The following SLC13A3 variants were observed in gnomAD, a reference collection of about 807,000 sequenced individuals.
The protein encoded by SLC13A3 is solute carrier family 13 member 3.
SLC13A3 carries 40 observed loss-of-function variants against 59.0 expected under a neutral mutation model. That is an observed-to-expected ratio of 0.68 (90% CI 0.53 to 0.88). The LOEUF is 0.88. Ranked by LOEUF, SLC13A3 falls within the 40% of genes least tolerant of loss-of-function variation. SLC13A3 has a pLI of 0.00. For synonymous variants in SLC13A3, 317 were observed against 330.3 expected (o/e 0.96, Z 0.44); for missense variants, 699 against 783.2 (o/e 0.89, Z 1.28).
chr20:46,630,295 G>A (rs970041947), intron 1 of SLC13A3, among the ~76,000 whole-genome samples: 6 of 152,172 alleles, frequency 3.9e-5, no homozygotes, highest in African/African-American at 7.2e-5. Flanking sequence ...CCAACATCCC[G>A]CTTCATGACA....
chr20:46,671,735 A>G (rs2063093305), upstream of SLC13A3, among the ~76,000 whole-genome samples: 1 of 152,150 alleles, frequency 6.6e-6, no homozygotes, highest in Non-Finnish European at 1.5e-5. Context: ...CCCAGAGCAA[A>G]GCTCACCCAT....
chr20:46,675,357 G>A (rs1042505329), intron 1 of SLC13A3, among the ~76,000 whole-genome samples: 24 of 150,806 alleles, frequency 1.6e-4, no homozygotes, highest in African/African-American at 7.3e-5. Context: ...AGCCTCCCAA[G>A]TAGCTGGGAC....
intron 4 of SLC13A3, among the ~76,000 whole-genome samples, chr20:46,599,719 G>A (rs2062353495): frequency 4.6e-5 from 7 of 152,144 alleles, no homozygotes; most frequent in Admixed American, 4.6e-4. Flanking sequence ...GAAAGTACCT[G>A]TGATCCTCAA....
chr20:46,625,242 G>T (rs2062656214), intron 1 of SLC13A3, among the ~76,000 whole-genome samples: 2 of 152,182 alleles, frequency 1.3e-5, no homozygotes, highest in Non-Finnish European at 2.9e-5. Flanking sequence ...GAAGGGGAGG[G>T]GAAAGGATTT....
intron 1 of SLC13A3, among the ~76,000 whole-genome samples, chr20:46,658,064 T>C (rs1280887225): frequency 6.6e-6 from 1 of 152,110 alleles, no homozygotes; most frequent in African/African-American, 2.4e-5. Context: ...CCTCTCCTGA[T>C]ACCTCCCTGG....
At chr20:46,625,265 A>G (rs1054346633) in intron 1 of SLC13A3, among the ~76,000 whole-genome samples, 16 of 152,244 alleles carry the variant, frequency 1.1e-4, no homozygotes, top group African/African-American at 3.9e-4. Flanking sequence ...CTTCAAATCA[A>G]GTTCCACATT....
chr20:46,613,687 C>T lies in SLC13A3; in HGVS notation c.150G>A (p.Val50=), dbSNP rs2062525901. ...GCGGCAGGGCCTCCGTGCACCAGTA[C>T]ACCGCCATGAGCAGGATGACAAACA... ...RCLFVILLMA[V]YWCTEALPLS... Residue 50 remains valine (V), a synonymous_variant, in exon 2 of 13, where the codon GTG becomes GTA. Coordinates refer to ENST00000279027, the MANE Select transcript of SLC13A3 (RefSeq NM_022829.6). 11 of 1,610,620 alleles carry T rather than the reference C, an allele frequency of 6.8e-6. 1 individual carries two copies. In the Middle Eastern group the frequency reaches 8.2e-4, roughly 120 times the overall value.
chr20:46,583,705 G>T (rs1269564797), intron 8 of SLC13A3, 36 bp from the exon 9 acceptor site: 1 of 1,612,964 alleles, frequency 6.2e-7, no homozygotes, highest in East Asian at 2.2e-5. Flanking sequence ...GTGACCATGG[G>T]CATCTCAGCG....
rs142404762 is a variant in SLC13A3 at position 46,667,186 on chromosome 20, G to T, written c.-31+2857C>A. ...AGCCCAATAACCGGCTTCATCAAAG[G>T]CTCCAGACAACAGTGTATGGAGGGA... On this transcript the variant is annotated intron_variant, in intron 1 of 12. Coordinates refer to the SLC13A3 transcript ENST00000290317. Among the ~76,000 whole-genome samples, 12 of 152,274 alleles carry T rather than the reference G, an allele frequency of 7.9e-5. No individual in the cohort carries two copies. In the East Asian group the frequency reaches 2.1e-3, roughly 27 times the overall value.
chr20:46,612,432 G>A (rs748177089), intron 2 of SLC13A3, among the ~76,000 whole-genome samples: 16 of 151,938 alleles, frequency 1.1e-4, no homozygotes, highest in Non-Finnish European at 1.6e-4. Context: ...CACTGCGCCC[G>A]GCAAGATCCC....
At chr20:46,623,971 G>T (rs1220132064) in intron 1 of SLC13A3, among the ~76,000 whole-genome samples, 2 of 152,154 alleles carry the variant, frequency 1.3e-5, no homozygotes, top group African/African-American at 4.8e-5. Flanking sequence ...CAATCCGTGG[G>T]TGTTCTTGTC....
rs1246573722 is a variant in SLC13A3 at position 46,582,890 on chromosome 20, A to G, written c.1219+682T>C. The G allele has an allele frequency of 3.0e-6, 3 of 985,246 alleles. No individual in the cohort carries two copies. In the African/African-American group the frequency reaches 5.2e-5, roughly 17 times the overall value. The allele number at this position is 985,246 out of a possible 1,614,324, so 61.0% of individuals were successfully genotyped here. On this transcript the variant is annotated intron_variant, in intron 9 of 12. Coordinates refer to ENST00000279027, the MANE Select transcript of SLC13A3 (RefSeq NM_022829.6). ...CACCGGAGGGAGTCGCAAGCTGGCAATCTGAAGGCCACAGTCTACAACATT... is the reference window on the plus strand; with the variant it reads ...CACCGGAGGGAGTCGCAAGCTGGCAGTCTGAAGGCCACAGTCTACAACATT...
At chr20:46,674,944 T>C (rs548806294), upstream of SLC13A3, among the ~76,000 whole-genome samples, 1 of 151,994 alleles carries the variant, frequency 6.6e-6, no homozygotes, top group East Asian at 1.9e-4. Flanking sequence ...GGGGCTGGGA[T>C]GAGGGTGCTG....
chr20:46,669,134 A>G (rs147223877), intron 1 of SLC13A3, among the ~76,000 whole-genome samples: 2 of 152,290 alleles, frequency 1.3e-5, no homozygotes, highest in East Asian at 3.9e-4. Flanking sequence ...TCCCCACACA[A>G]ATACTGAACT....
intron 3 of SLC13A3, chr20:46,608,956 T>C (rs1005524219): frequency 9.7e-6 from 15 of 1,550,766 alleles, no homozygotes; most frequent in Admixed American, 7.8e-5. Context: ...TCATTTCCAC[T>C]CATATTCCAT....
chr20:46,667,980 T>C (rs2063070729), intron 1 of SLC13A3, among the ~76,000 whole-genome samples: 1 of 152,216 alleles, frequency 6.6e-6, no homozygotes, highest in Admixed American at 6.5e-5. Context: ...ACTGTGCCCA[T>C]ATAAGACGGC....
chr20:46,576,157 G>A (rs2062074107), intron 9 of SLC13A3, among the ~76,000 whole-genome samples: 1 of 152,034 alleles, frequency 6.6e-6, no homozygotes, highest in East Asian at 1.9e-4. Context: ...AGGACAGTGG[G>A]CGGGGGAGTC....
chr20:46,674,853 A>C (rs1248526274), upstream of SLC13A3, among the ~76,000 whole-genome samples: 2 of 152,122 alleles, frequency 1.3e-5, no homozygotes, highest in Non-Finnish European at 2.9e-5. Context: ...GGGGCCACAG[A>C]CAGCAAACAA....
At position 46,621,400 on chromosome 20, in the gene SLC13A3, G is replaced by A. The variant is rs2062612834; in HGVS notation, c.112-7675C>T. Among the ~76,000 whole-genome samples, 4 of 152,308 alleles carry A rather than the reference G, an allele frequency of 2.6e-5. No individual in the cohort carries two copies. The South Asian group carries it at 6.2e-4, about 24-fold the overall frequency. On this transcript the variant is annotated intron_variant, in intron 1 of 12. Coordinates refer to ENST00000279027, the MANE Select transcript of SLC13A3 (RefSeq NM_022829.6). ...TCAGTTAATAATGTAAAACAAAGAT[G>A]GCATTGACATGATTAAGTTCCGCAG...
Sources: allele counts gnomAD v4.1 joint callset (sites outside exome capture counted in the v4.1 genomes callset), GRCh38; gene constraint gnomAD v4.1.1; transcripts MANE v1.5; gene names NCBI Gene and HGNC (gene_info 2026-07-23, HGNC 2026-07-21).